The following ZDHHC9 variants were observed in gnomAD, a reference collection of about 807,000 sequenced individuals.
The protein encoded by ZDHHC9 is zDHHC palmitoyltransferase 9, also known as palmitoyltransferase ZDHHC9.
In ZDHHC9, 3 loss-of-function variants were observed where a neutral mutation model predicts 26.6. The ratio of observed to expected loss-of-function variants is 0.11; its 90% CI spans 0.05 to 0.29. The LOEUF (loss-of-function observed/expected upper bound fraction) is 0.29, where lower values mean the gene tolerates loss of function less well. ZDHHC9 is among the 10% of genes least tolerant of loss of function. The pLI, the probability that ZDHHC9 is intolerant of heterozygous loss-of-function variation, is 1.00. For synonymous variants in ZDHHC9, 111 were observed against 109.4 expected, an observed-to-expected ratio of 1.01 and a Z score of -0.09; for missense variants, 146 against 296.4, an observed-to-expected ratio of 0.49 and a Z score of 3.73.
At chrX:129,820,692 T>A (rs1927863318) in intron 5 of ZDHHC9, among the ~76,000 whole-genome samples, 1 of 112,194 alleles carries the variant, frequency 8.9e-6, no homozygotes, top group Non-Finnish European at 1.9e-5. Context: ...ATATCAGTGC[T>A]TTTTAAAAAA....
chrX:129,825,689 C>T (rs1158683115), intron 4 of ZDHHC9, among the ~76,000 whole-genome samples: 2 of 111,400 alleles, frequency 1.8e-5, no homozygotes, highest in African/African-American at 6.5e-5. Flanking sequence ...CCCCTCCTCC[C>T]TTCCAAGAAC....
In ZDHHC9 at chrX:129,810,961, C is replaced by T. The variant is rs758169700; in HGVS notation, c.922G>A (p.Gly308Arg). The change falls in exon 10 of 11, where the codon GGA (glycine) becomes AGA (arginine). Residue 308 changes from glycine (G) to arginine (R), a missense_variant. Coordinates refer to ENST00000357166, the MANE Select transcript of ZDHHC9 (RefSeq NM_016032.4). ...RRGILPLEES[G>R]SRPPSTQETS... ...TCTTGAGTACTGGGAGGTCGACTTC[C>T]ACTTTCCTCCAGTGGCAAAATACCC... 1 of 1,211,378 alleles carries T rather than the reference C, an allele frequency of 8.3e-7. No individual in the cohort carries two copies. The highest frequency in any genetic ancestry group is 1.1e-6 in the Non-Finnish European group (1 of 895,347).
intron 1 of ZDHHC9, 24 bp downstream of exon 1, chrX:129,843,672 A>C (rs913287389): frequency 1.9e-5 from 2 of 103,692 alleles, no homozygotes; most frequent in Admixed American, 1.0e-4. Flanking sequence ...AGCCCAGGAG[A>C]CCCCCGCCCC....
intron 4 of ZDHHC9, among the ~76,000 whole-genome samples, chrX:129,826,959 C>T (rs1274695872): frequency 8.9e-6 from 1 of 111,975 alleles, no homozygotes; most frequent in Non-Finnish European, 1.9e-5. Flanking sequence ...TTTGGAAGGC[C>T]AAGGTGAGAG....
intron 3 of ZDHHC9, among the ~76,000 whole-genome samples, chrX:129,832,964 CA>C (rs11317653): frequency 0.13 from 4,578 of 34,951 alleles, 272 homozygotes; most frequent in African/African-American, 0.35. Flanking sequence ...GACTCCACCT[CA>C]AAAAAAAAAA....
At chrX:129,829,402 T>C (rs1239125619) in intron 3 of ZDHHC9, among the ~76,000 whole-genome samples, 1 of 111,428 alleles carries the variant, frequency 9.0e-6, no homozygotes, top group Non-Finnish European at 1.9e-5. Context: ...GTCCAATCTA[T>C]CCTATCAACC....
intron 5 of ZDHHC9, among the ~76,000 whole-genome samples, chrX:129,822,027 T>C (rs1490711694): frequency 9.0e-6 from 1 of 111,586 alleles, no homozygotes; most frequent in Non-Finnish European, 1.9e-5. Flanking sequence ...AGTTCAACCA[T>C]TGTGGAAGAC....
In ZDHHC9 at chrX:129,823,862, T is replaced by C. The variant is rs778599888; in HGVS notation, c.329-25A>G. The C allele has an allele frequency of 2.3e-5, 28 of 1,200,622 alleles. No individual in the cohort carries two copies. In the Admixed American group the frequency reaches 6.1e-4, roughly 26 times the overall value. On this transcript the variant is annotated intron_variant, in intron 4 of 10. Transcript: ENST00000357166. ...TCTGTAAATCAATAAAGACAGTTAA[T>C]ATCACAGCTAGCCATCACTTGAGCC...
At chrX:129,834,625 A>G (rs781281524) in intron 3 of ZDHHC9, among the ~76,000 whole-genome samples, 1 of 111,919 alleles carries the variant, frequency 8.9e-6, no homozygotes, top group East Asian at 2.8e-4. Flanking sequence ...AATTTCAGTT[A>G]TAATAACAAA....
At chrX:129,812,007 A>C (rs943012004) in intron 8 of ZDHHC9, among the ~76,000 whole-genome samples, 3 of 111,779 alleles carry the variant, frequency 2.7e-5, no homozygotes, top group Non-Finnish European at 5.6e-5. Flanking sequence ...TAAGAAGTAA[A>C]GTAAGAGGAA....
At chrX:129,836,950 A>G (rs1928275217) in intron 3 of ZDHHC9, among the ~76,000 whole-genome samples, 1 of 112,370 alleles carries the variant, frequency 8.9e-6, no homozygotes, top group Non-Finnish European at 1.9e-5. Flanking sequence ...GTGTGTTTGA[A>G]TATCTTCAGG....
chrX:129,838,127 T>C (rs954747252), intron 3 of ZDHHC9, among the ~76,000 whole-genome samples: 3 of 112,627 alleles, frequency 2.7e-5, no homozygotes, highest in African/African-American at 9.7e-5. Context: ...AAAATCCTTT[T>C]TCTTTAAGCA....
chrX:129,839,131 T>C (rs961032307), intron 3 of ZDHHC9, among the ~76,000 whole-genome samples: 2 of 111,543 alleles, frequency 1.8e-5, no homozygotes, highest in East Asian at 5.6e-4. Flanking sequence ...AATGTAAGAA[T>C]GAAAATAGAT....
At chrX:129,822,320 G>A (rs1042493766) in intron 5 of ZDHHC9, among the ~76,000 whole-genome samples, 1 of 110,602 alleles carries the variant, frequency 9.0e-6, no homozygotes, top group Non-Finnish European at 1.9e-5. Context: ...GGATGAAGCT[G>A]GAAGCCATCA....
intron 5 of ZDHHC9, among the ~76,000 whole-genome samples, chrX:129,819,323 A>T (rs1361413509): frequency 9.0e-6 from 1 of 111,371 alleles, no homozygotes; most frequent in Non-Finnish European, 1.9e-5. Context: ...AGGTATAGAG[A>T]AGAATGGTTA....
chrX:129,835,961 T>G (rs1928251970), intron 3 of ZDHHC9, among the ~76,000 whole-genome samples: 2 of 112,259 alleles, frequency 1.8e-5, no homozygotes, highest in African/African-American at 6.5e-5. Flanking sequence ...AAAACTCATT[T>G]GGTTAGTCAA....
At chrX:129,818,213 C>G (rs1375101537) in intron 5 of ZDHHC9, among the ~76,000 whole-genome samples, 1 of 112,108 alleles carries the variant, frequency 8.9e-6, no homozygotes, top group Non-Finnish European at 1.9e-5. Flanking sequence ...CAGCCATCTG[C>G]AAGCCAGGGG....
chrX:129,805,439 T>C lies in ZDHHC9; in HGVS notation c.*931A>G, dbSNP rs1927493881. The C allele has an allele frequency of 9.2e-6, 1 of 108,985 alleles. No individual in the cohort carries two copies. The highest frequency in any genetic ancestry group is 1.9e-5 in the Non-Finnish European group (1 of 52,262). The allele number at this position is 108,985 out of a possible 1,213,427, so 9.0% of individuals were successfully genotyped here. ...GCCTCTGCAGGCCTCACACAGGGAG[T>C]CTGAGGGGATAGTGTTTAAGTGAGC... On this transcript the variant is annotated 3_prime_UTR_variant, in exon 11 of 11. Transcript: ENST00000357166.
At chrX:129,836,774 T>C (rs746844628) in intron 3 of ZDHHC9, among the ~76,000 whole-genome samples, 5 of 112,143 alleles carry the variant, frequency 4.5e-5, no homozygotes, top group Non-Finnish European at 9.4e-5. Flanking sequence ...AGAAATGCCA[T>C]GCTGCAATAC....
Sources: allele counts gnomAD v4.1 joint callset (sites outside exome capture counted in the v4.1 genomes callset), GRCh38; gene constraint gnomAD v4.1.1; transcripts MANE v1.5; gene names NCBI Gene and HGNC (gene_info 2026-07-23, HGNC 2026-07-21).